MEIS2: variants seen among roughly 807,000 people sequenced by gnomAD.
MEIS2 encodes the protein Meis homeobox 2.
A neutral mutation model predicts 58.6 loss-of-function variants in MEIS2; 9 were observed. That is an observed-to-expected ratio of 0.15 (90% CI 0.09 to 0.27). MEIS2 has a LOEUF of 0.27. Ranked by LOEUF, MEIS2 falls within the 10% of genes least tolerant of loss-of-function variation. MEIS2 has a pLI of 1.00. For missense variants in MEIS2, 427 were observed against 635.0 expected (o/e 0.67, Z 3.52); for synonymous variants, 221 against 228.4 (o/e 0.97, Z 0.29).
chr15:37,098,787 G>A (rs1394736184), intron 1 of MEIS2: 7 of 511,880 alleles, frequency 1.4e-5, no homozygotes, highest in African/African-American at 2.1e-5. Context: ...AAAATAAAGA[G>A]AAGAAAAACG....
At chr15:36,979,527 T>C (rs1285778526) in intron 8 of MEIS2, among the ~76,000 whole-genome samples, 4 of 151,872 alleles carry the variant, frequency 2.6e-5, no homozygotes, top group African/African-American at 9.7e-5. Flanking sequence ...CAAGTTGGGA[T>C]AAACTTTTTT....
rs2055777731 is a variant in MEIS2 at position 36,889,335 on chromosome 15, C to G, written c.*2838G>C. 6.6e-6 allele frequency: 1 copy of G among 152,020 alleles called. No homozygotes were observed. The highest frequency in any genetic ancestry group is 1.5e-5 in the Non-Finnish European group (1 of 68,020). 9.4% of individuals were successfully genotyped at this position (152,020 alleles called of 1,614,324 possible). Reference sequence around the variant, plus strand: ...TCTTAAATATACCCAAATCGGAACTCTTTACACTAAATAGTAAACCCGAGA... The same window carrying G: ...TCTTAAATATACCCAAATCGGAACTGTTTACACTAAATAGTAAACCCGAGA... On this transcript the variant is annotated 3_prime_UTR_variant, in exon 12 of 12. Transcript: ENST00000561208.
chr15:37,076,401 A>G (rs1163359458), intron 7 of MEIS2, among the ~76,000 whole-genome samples: 1 of 152,030 alleles, frequency 6.6e-6, no homozygotes, highest in Non-Finnish European at 1.5e-5. Flanking sequence ...TTCAACAAGT[A>G]CTGTTCAGCC....
intron 9 of MEIS2, among the ~76,000 whole-genome samples, chr15:36,904,911 G>A (rs1177197187): frequency 1.3e-5 from 2 of 152,152 alleles, no homozygotes; most frequent in Admixed American, 1.3e-4. Context: ...GCATAATCCT[G>A]TTCTCAACAG....
intron 7 of MEIS2, among the ~76,000 whole-genome samples, chr15:37,060,567 G>A (rs1052020508): frequency 1.3e-5 from 2 of 151,872 alleles, no homozygotes; most frequent in Non-Finnish European, 2.9e-5. Flanking sequence ...GTGTTTGGAA[G>A]GTAATTGAAA....
At chr15:36,933,658 A>AG (rs1179291521) in intron 9 of MEIS2, among the ~76,000 whole-genome samples, 1 of 152,116 alleles carries the variant, frequency 6.6e-6, no homozygotes, top group Non-Finnish European at 1.5e-5. Flanking sequence ...CTTATTCAGA[A>AG]GGGATTAACA....
rs371464420 is a variant in MEIS2 at position 37,003,738 on chromosome 15, T to A, written c.900+33076A>T. 4.3e-4 allele frequency among the ~76,000 whole-genome samples: 66 copies of A among 152,282 alleles called. 2 individuals carry two copies. The South Asian group carries it at 0.013, about 30-fold the overall frequency. On this transcript the variant is annotated intron_variant, in intron 8 of 11. Coordinates refer to ENST00000561208, the MANE Select transcript of MEIS2 (RefSeq NM_170675.5). ...TGGGGGTTGAAATTCTAACCCCCAA[T>A]GTGAGGATATTAGGAAGTGGGGCCT...
intron 8 of MEIS2, among the ~76,000 whole-genome samples, chr15:37,026,466 G>A (rs1298039903): frequency 6.6e-6 from 1 of 152,124 alleles, no homozygotes; most frequent in Admixed American, 6.5e-5. Flanking sequence ...GTGATTGCAG[G>A]AGAATGATGC....
At chr15:37,010,250 G>C (rs553595096) in intron 8 of MEIS2, among the ~76,000 whole-genome samples, 3,060 of 151,928 alleles carry the variant, frequency 0.02, 106 homozygotes, top group African/African-American at 0.069. Context: ...ACCACACCTG[G>C]CTAATTTTTT....
intron 7 of MEIS2, among the ~76,000 whole-genome samples, chr15:37,038,762 T>C (rs966316113): frequency 1.3e-5 from 2 of 152,212 alleles, no homozygotes; most frequent in Admixed American, 6.6e-5. Flanking sequence ...ATATACAGTC[T>C]AGTTTTCATC....
chr15:36,898,801 G>C (rs1408899334), intron 9 of MEIS2: 1 of 152,152 alleles, frequency 6.6e-6, no homozygotes, highest in African/African-American at 2.4e-5. Context: ...TAAAAACGAG[G>C]TCCGCTCAAA....
At chr15:36,937,090 G>GA (rs2058204961) in intron 9 of MEIS2, among the ~76,000 whole-genome samples, 1 of 152,202 alleles carries the variant, frequency 6.6e-6, no homozygotes, top group East Asian at 1.9e-4. Flanking sequence ...GTGAAGGAAA[G>GA]ACTGATTAAA....
intron 9 of MEIS2, among the ~76,000 whole-genome samples, chr15:36,930,255 G>A (rs1804831590): frequency 7.0e-6 from 1 of 143,586 alleles, no homozygotes. Flanking sequence ...TATCCACAGA[G>A]AATAAACCAC....
chr15:37,031,191 T>C (rs2141713560), intron 8 of MEIS2, among the ~76,000 whole-genome samples: 1 of 152,310 alleles, frequency 6.6e-6, no homozygotes, highest in South Asian at 2.1e-4. Context: ...ATTCTTCTTC[T>C]GCAGATATGA....
Position 37,098,072 on chromosome 15 carries a change from G to T in MEIS2, c.140C>A (p.Ala47Asp). 6.2e-7 allele frequency: 1 copy of T among 1,613,828 alleles called. No homozygotes were observed. The highest frequency in any genetic ancestry group is 1.1e-5 in the South Asian group (1 of 91,014). The change falls in exon 2 of 12, where the codon GCC becomes GAC. Residue 47 changes from alanine to aspartate, a missense_variant. By Grantham distance (126) the Ala-to-Asp change is moderately radical. Coordinates refer to ENST00000561208, the MANE Select transcript of MEIS2 (RefSeq NM_170675.5). ...GGCGTGCGCGCCGTAGTGCTGTGTGGCGTGGAGCGGCGGCCCGTGGTTCAG... is the reference window on the plus strand; with the variant it reads ...GGCGTGCGCGCCGTAGTGCTGTGTGTCGTGGAGCGGCGGCCCGTGGTTCAG... ...HHLNHGPPLH[A>D]TQHYGAHAPH...
At chr15:36,943,274 T>C (rs971859030) in intron 9 of MEIS2, among the ~76,000 whole-genome samples, 4 of 152,162 alleles carry the variant, frequency 2.6e-5, no homozygotes, top group African/African-American at 9.7e-5. Flanking sequence ...ATCATGCCAA[T>C]TGAGATGGAT....
chr15:36,976,406 G>A (rs1397423468), intron 8 of MEIS2, among the ~76,000 whole-genome samples: 1 of 151,420 alleles, frequency 6.6e-6, no homozygotes, highest in Non-Finnish European at 1.5e-5. Context: ...TTTTTAAAAA[G>A]AAAGCAAATG....
chr15:37,100,959 G>A (rs903270498), upstream of MEIS2: 1 of 151,844 alleles, frequency 6.6e-6, no homozygotes, highest in Non-Finnish European at 1.5e-5. Context: ...GTTTGGCATG[G>A]CGCTCTAGCT....
chr15:36,924,915 C>T (rs990840095), intron 9 of MEIS2, among the ~76,000 whole-genome samples: 1 of 152,184 alleles, frequency 6.6e-6, no homozygotes, highest in African/African-American at 2.4e-5. Context: ...CTCAGGCTCC[C>T]ACCTTCACCC....
Sources: allele counts gnomAD v4.1 joint callset (sites outside exome capture counted in the v4.1 genomes callset), GRCh38; gene constraint gnomAD v4.1.1; transcripts MANE v1.5; gene names NCBI Gene and HGNC (gene_info 2026-07-23, HGNC 2026-07-21).